ARNT2: variants seen among roughly 807,000 people sequenced by gnomAD.
The protein encoded by ARNT2 is aryl hydrocarbon receptor nuclear translocator 2.
In ARNT2, 36 loss-of-function variants were observed where a neutral mutation model predicts 91.7. The ratio of observed to expected loss-of-function variants is 0.39; its 90% CI spans 0.30 to 0.52. The LOEUF (loss-of-function observed/expected upper bound fraction) is 0.52. Among genes scored for constraint, ARNT2 ranks in the 20% least tolerant of loss-of-function variants. The pLI is 0.72. For synonymous variants in ARNT2, 365 were observed against 347.1 expected (o/e 1.05, Z -0.57); for missense variants, 775 against 939.3 (o/e 0.83, Z 2.29).
At chr15:80,565,945 T>C (rs911159531) in intron 12 of ARNT2, among the ~76,000 whole-genome samples, 2 of 152,194 alleles carry the variant, frequency 1.3e-5, no homozygotes, top group African/African-American at 4.8e-5. Flanking sequence ...ACTGGGCAAG[T>C]CACCTACTCT....
At chr15:80,457,865 C>G (rs558872659) in intron 2 of ARNT2, 64 bp from the exon 3 acceptor site, 3 of 1,566,082 alleles carry the variant, frequency 1.9e-6, no homozygotes, top group African/African-American at 2.7e-5. Flanking sequence ...GTTCCAGCAG[C>G]TCCTGTTACC....
chr15:80,504,334 C>T (rs753557191), intron 5 of ARNT2, among the ~76,000 whole-genome samples: 1 of 152,104 alleles, frequency 6.6e-6, no homozygotes, highest in Non-Finnish European at 1.5e-5. Flanking sequence ...TGTTGTTGTC[C>T]GCTCTCTCAT....
At chr15:80,580,583 G>A (rs1465957592) in intron 16 of ARNT2, 34 bp downstream of exon 16, 1 of 1,612,914 alleles carries the variant, frequency 6.2e-7, no homozygotes, top group Non-Finnish European at 8.5e-7. Context: ...TCCCCTGGGT[G>A]ACCAGAGAGG....
At chr15:80,445,287 GTGT>G (rs1405558282) in intron 1 of ARNT2, 1 of 149,664 alleles carries the variant, frequency 6.7e-6, no homozygotes, top group Non-Finnish European at 1.5e-5. Flanking sequence ...GTGTGTGCAG[GTGT>G]TGTGTATATG....
chr15:80,414,844 T>C (rs1392644160), intron 1 of ARNT2, among the ~76,000 whole-genome samples: 2 of 151,672 alleles, frequency 1.3e-5, no homozygotes, highest in African/African-American at 4.8e-5. Context: ...ACACTTCTAT[T>C]CCCTGCACAA....
At chr15:80,483,148 A>C (rs1218778317) in intron 5 of ARNT2, among the ~76,000 whole-genome samples, 3 of 152,248 alleles carry the variant, frequency 2.0e-5, no homozygotes, top group Non-Finnish European at 4.4e-5. Flanking sequence ...TGCATCCATG[A>C]AGTGCAGGGA....
chr15:80,561,998 C>G (rs908760751), intron 11 of ARNT2, among the ~76,000 whole-genome samples: 4 of 152,070 alleles, frequency 2.6e-5, no homozygotes, highest in Admixed American at 2.0e-4. Flanking sequence ...TTCACAATTC[C>G]AAGCATCCAC....
At chr15:80,439,345 G>T (rs1896150593) in intron 1 of ARNT2, among the ~76,000 whole-genome samples, 2 of 152,176 alleles carry the variant, frequency 1.3e-5, no homozygotes. Flanking sequence ...CAAGTTCAGG[G>T]ATGCCAGAAA....
rs569908702 is a variant in ARNT2, at chr15:80,591,228, GC to G, written c.1919-334del. ...TCTGCATGCAACAGATATGCCCCTT[GC>G]CCCCCAGATGCCCGCAGGAGGCCTT... On this transcript the variant is annotated intron_variant, in intron 17 of 18. Coordinates refer to ENST00000303329, the MANE Select transcript of ARNT2 (RefSeq NM_014862.4). The surrounding 1 kb of genome is among the most constrained non-coding windows in gnomAD (Gnocchi z 5.1). 7.1e-3 allele frequency among the ~76,000 whole-genome samples: 1,075 copies of G among 152,268 alleles called. 14 individuals are homozygous for G. Among genetic ancestry groups the G allele is most frequent in the African/African-American group, 0.024 (1,010 of 41,544 alleles).
At chr15:80,469,689 A>G (rs912882520) in intron 3 of ARNT2, among the ~76,000 whole-genome samples, 10 of 152,190 alleles carry the variant, frequency 6.6e-5, no homozygotes, top group African/African-American at 2.4e-4. Context: ...ATCTCAGCTT[A>G]CTGCAATCTC....
chr15:80,545,441 T>C (rs1334912313), intron 8 of ARNT2, among the ~76,000 whole-genome samples: 3 of 152,186 alleles, frequency 2.0e-5, no homozygotes, highest in Non-Finnish European at 4.4e-5. Context: ...TGAAAAGCCA[T>C]GTGTGCTGGA....
chr15:80,452,052 G>T (rs545674080), intron 2 of ARNT2, among the ~76,000 whole-genome samples: 2 of 152,322 alleles, frequency 1.3e-5, no homozygotes, highest in Non-Finnish European at 2.9e-5. Context: ...TCTTAAAGGG[G>T]GCATAAGTGG....
At chr15:80,513,863 A>G in intron 6 of ARNT2, 48 bp from the exon 7 acceptor site, 1 of 1,504,990 alleles carries the variant, frequency 6.6e-7, no homozygotes. Context: ...TATATTGAAT[A>G]AACTTGCCTG....
chr15:80,587,414 T>G (rs1436425880), intron 17 of ARNT2, among the ~76,000 whole-genome samples: 1 of 150,088 alleles, frequency 6.7e-6, no homozygotes, highest in African/African-American at 2.5e-5. Context: ...GGTGGGGGGG[T>G]GGGGTTGCGC....
intron 1 of ARNT2, among the ~76,000 whole-genome samples, chr15:80,420,268 A>G (rs745778795): frequency 6.6e-6 from 1 of 152,190 alleles, no homozygotes; most frequent in Non-Finnish European, 1.5e-5. Flanking sequence ...AGTGATATGC[A>G]TTCAGTAGAA....
rs1302874092 is a variant in ARNT2 at position 80,575,074 on chromosome 15, C to T, written c.1477C>T (p.Pro493Ser). The T allele has an allele frequency of 1.2e-6, 2 of 1,614,148 alleles. No individual in the cohort carries two copies. Among genetic ancestry groups the T allele is most frequent in the Non-Finnish European group, 8.5e-7 (1 of 1,180,028 alleles). The change falls in exon 14 of 19, where the codon CCT (proline) becomes TCT (serine). Residue 493 changes from proline (P) to serine (S), a missense_variant. Pro to Ser is a moderately conservative substitution (Grantham distance 74). Coordinates refer to ENST00000303329, the MANE Select transcript of ARNT2 (RefSeq NM_014862.4). ...TGCAATCTTCTCCCAGGAAAGAGAT[C>T]CTCGGTTTGCTGAAATGTTTGCAGG... ...ADAIFSQERD[P>S]RFAEMFAGIS... is the part of the protein sequence containing the mutation.
chr15:80,430,910 C>T (rs1895998193), intron 1 of ARNT2, among the ~76,000 whole-genome samples: 1 of 152,092 alleles, frequency 6.6e-6, no homozygotes, highest in South Asian at 2.1e-4. Context: ...CCTGCACCTG[C>T]TGTGTGCTGG....
chr15:80,588,926 T>C (rs1259136058), intron 17 of ARNT2, among the ~76,000 whole-genome samples: 1 of 152,174 alleles, frequency 6.6e-6, no homozygotes, highest in Non-Finnish European at 1.5e-5. Context: ...GGAACGATCT[T>C]ATTCTCCAGT....
rs1035617569 is a variant in ARNT2 at position 80,414,263 on chromosome 15, C to T, written c.31+9717C>T. ...GGAGTAGGGGTGCTACTGGCATCTA[C>T]GGGTAGAGGCCAAGGATGCTGCTAA... is the stretch of plus-strand genomic sequence containing the variant. On this transcript the variant is annotated intron_variant, in intron 1 of 18. Coordinates refer to ENST00000303329, the MANE Select transcript of ARNT2 (RefSeq NM_014862.4). Among the ~76,000 whole-genome samples, 3 of 152,238 alleles carry T rather than the reference C, an allele frequency of 2.0e-5. No homozygotes were observed. In the East Asian group the frequency reaches 5.8e-4, roughly 29 times the overall value.
Sources: gnomAD v4.1 joint callset for allele counts (sites outside exome capture counted in the v4.1 genomes callset) on GRCh38, gnomAD v4.1.1 for gene constraint, Gnocchi (gnomAD v3.1) non-coding constraint, MANE v1.5 for transcripts, NCBI Gene and HGNC (gene_info 2026-07-23, HGNC 2026-07-21) for gene names.